The following RNU4ATAC variants were observed in gnomAD, a reference collection of about 807,000 sequenced individuals.
The protein encoded by RNU4ATAC is RNA, U4atac small nuclear, also known as RNA, U4atac small nuclear (U12-dependent splicing).
Position 121,530,901 on chromosome 2 carries a change from G to GA in RNU4ATAC, n.21_22insA, listed in dbSNP as rs1559533441. The GA allele has an allele frequency of 4.3e-6, 3 of 695,830 alleles. No homozygotes were observed. In the Admixed American group the frequency reaches 6.0e-5, roughly 14 times the overall value. 43.1% of individuals were successfully genotyped at this position (695,830 alleles called of 1,614,324 possible). A position where few individuals can be genotyped will look rare whatever the true frequency, so the allele number is the denominator to read the frequency against. On this transcript the variant is annotated non_coding_transcript_exon_variant, in exon 1 of 1. Transcript: ENST00000580972. ...TTATAACCATCCTTTTCTTGGGGTT[G>GA]CGCTACTGTCCAATGAGCGCATAGT...
At position 121,530,963 on chromosome 2, in the gene RNU4ATAC, C is replaced by T. The variant is rs916717603; in HGVS notation, n.83C>T. On this transcript the variant is annotated non_coding_transcript_exon_variant, in exon 1 of 1. Transcript: ENST00000580972. Reference sequence around the variant, plus strand: ...TGCTAACGCCTGAACAACACACCCGCATCAACTAGAGCTTTTGCTTTATTT... The same window carrying T: ...TGCTAACGCCTGAACAACACACCCGTATCAACTAGAGCTTTTGCTTTATTT... The T allele has an allele frequency of 1.2e-4, 84 of 700,310 alleles. No individual in the cohort carries two copies. The highest frequency in any genetic ancestry group is 1.8e-4 in the Non-Finnish European group (69 of 384,830). 43.4% of individuals were successfully genotyped at this position (700,310 alleles called of 1,614,324 possible). A position where few individuals can be genotyped will look rare whatever the true frequency, so the allele number is the denominator to read the frequency against.
rs546680447 is a variant in RNU4ATAC at position 121,530,969 on chromosome 2, C to G, written n.89C>G. 18 of 700,280 alleles carry G rather than the reference C, an allele frequency of 2.6e-5. No homozygotes were observed. Among genetic ancestry groups the G allele is most frequent in the Middle Eastern group, 3.6e-4 (1 of 2,756 alleles). The allele number at this position is 700,280 out of a possible 1,614,324, so 43.4% of individuals were successfully genotyped here. On this transcript the variant is annotated non_coding_transcript_exon_variant, in exon 1 of 1. Transcript: ENST00000580972. ...CGCCTGAACAACACACCCGCATCAA[C>G]TAGAGCTTTTGCTTTATTTTGGTGC... is the stretch of plus-strand genomic sequence containing the variant.
At position 121,530,908 on chromosome 2, in the gene RNU4ATAC, T is replaced by G. The variant is rs779143800; in HGVS notation, n.28T>G. The G allele has an allele frequency of 4.3e-6, 3 of 697,750 alleles. No homozygotes were observed. Among genetic ancestry groups the G allele is most frequent in the Admixed American group, 2.0e-5 (1 of 49,928 alleles). The allele number at this position is 697,750 out of a possible 1,614,324, so 43.2% of individuals were successfully genotyped here. ...CATCCTTTTCTTGGGGTTGCGCTAC[T>G]GTCCAATGAGCGCATAGTGAGGGCA... On this transcript the variant is annotated non_coding_transcript_exon_variant, in exon 1 of 1. Coordinates refer to ENST00000580972, the Ensembl canonical transcript of RNU4ATAC.
exon 1 of RNU4ATAC, chr2:121,530,964 A>ATCAACTAG (rs1427543665): frequency 1.4e-6 from 1 of 700,348 alleles, no homozygotes; most frequent in Non-Finnish European, 2.6e-6. Flanking sequence ...ACACACCCGC[A>ATCAACTAG]TCAACTAGAG....
rs750325275 is a variant in RNU4ATAC, at chr2:121,530,895, G to C, written n.15G>C. The C allele has an allele frequency of 1.4e-6, 1 of 693,922 alleles. No homozygotes were observed. The highest frequency in any genetic ancestry group is 2.0e-5 in the Admixed American group (1 of 49,704). 43.0% of individuals were successfully genotyped at this position (693,922 alleles called of 1,614,324 possible). ...TTTCTATTATAACCATCCTTTTCTT[G>C]GGGTTGCGCTACTGTCCAATGAGCG... On this transcript the variant is annotated non_coding_transcript_exon_variant, in exon 1 of 1. Coordinates refer to ENST00000580972, the Ensembl canonical transcript of RNU4ATAC.
Position 121,530,895 on chromosome 2 carries a change from G to A in RNU4ATAC, n.15G>A, listed in dbSNP as rs750325275. On this transcript the variant is annotated non_coding_transcript_exon_variant, in exon 1 of 1. Transcript: ENST00000580972. ...TTTCTATTATAACCATCCTTTTCTTGGGGTTGCGCTACTGTCCAATGAGCG... is the reference window on the plus strand; with the variant it reads ...TTTCTATTATAACCATCCTTTTCTTAGGGTTGCGCTACTGTCCAATGAGCG... The A allele has an allele frequency of 1.0e-4, 71 of 693,922 alleles. No individual in the cohort carries two copies. The highest frequency in any genetic ancestry group is 1.2e-4 in the Admixed American group (6 of 49,704). 43.0% of individuals were successfully genotyped at this position (693,922 alleles called of 1,614,324 possible).
Position 121,530,944 on chromosome 2 carries a change from C to T in RNU4ATAC, n.64C>T, listed in dbSNP as rs572917990. 3.8e-4 allele frequency: 265 copies of T among 700,398 alleles called. 2 individuals carry two copies. Among genetic ancestry groups the T allele is most frequent in the Admixed American group, 1.0e-3 (50 of 50,020 alleles). 43.4% of individuals were successfully genotyped at this position (700,398 alleles called of 1,614,324 possible). A position where few individuals can be genotyped will look rare whatever the true frequency, so the allele number is the denominator to read the frequency against. ...CGCATAGTGAGGGCAGTACTGCTAA[C>T]GCCTGAACAACACACCCGCATCAAC... is the stretch of plus-strand genomic sequence containing the variant. On this transcript the variant is annotated non_coding_transcript_exon_variant, in exon 1 of 1. Coordinates refer to ENST00000580972, the Ensembl canonical transcript of RNU4ATAC.
At position 121,530,964 on chromosome 2, in the gene RNU4ATAC, A is replaced by G. The variant is rs750878745; in HGVS notation, n.84A>G. 4.3e-5 allele frequency: 30 copies of G among 700,346 alleles called. No homozygotes were observed. The highest frequency in any genetic ancestry group is 2.6e-4 in the Admixed American group (13 of 49,996). The allele number at this position is 700,346 out of a possible 1,614,324, so 43.4% of individuals were successfully genotyped here. A position where few individuals can be genotyped will look rare whatever the true frequency, so the allele number is the denominator to read the frequency against. On this transcript the variant is annotated non_coding_transcript_exon_variant, in exon 1 of 1. Coordinates refer to ENST00000580972, the Ensembl canonical transcript of RNU4ATAC. The stretch of plus-strand genomic sequence containing the variant: ...GCTAACGCCTGAACAACACACCCGC[A>G]TCAACTAGAGCTTTTGCTTTATTTT...
At chr2:121,531,005 AAAATGAAAACCTGTTTTCATAG>A (rs2094811794) in exon 1 of RNU4ATAC, 1 of 700,228 alleles carries the variant, frequency 1.4e-6, no homozygotes, top group African/African-American at 1.7e-5. Flanking sequence ...AATTTTTGGA[AAAATGAAAACCTGTTTTCATAG>A]ACTTATCAGT....
At chr2:121,530,970 T>C (rs1044488450) in exon 1 of RNU4ATAC, 10 of 699,590 alleles carry the variant, frequency 1.4e-5, no homozygotes, top group Admixed American at 4.0e-5. Context: ...CCGCATCAAC[T>C]AGAGCTTTTG....
rs757475581 is a variant in RNU4ATAC at position 121,530,933 on chromosome 2, A to C, written n.53A>C. Reference sequence around the variant, plus strand: ...TGTCCAATGAGCGCATAGTGAGGGCAGTACTGCTAACGCCTGAACAACACA... The same window carrying C: ...TGTCCAATGAGCGCATAGTGAGGGCCGTACTGCTAACGCCTGAACAACACA... On this transcript the variant is annotated non_coding_transcript_exon_variant, in exon 1 of 1. Transcript: ENST00000580972. 7.1e-6 allele frequency: 5 copies of C among 700,310 alleles called. No individual in the cohort carries two copies. Among genetic ancestry groups the C allele is most frequent in the African/African-American group, 1.7e-5 (1 of 57,190 alleles). The allele number at this position is 700,310 out of a possible 1,614,324, so 43.4% of individuals were successfully genotyped here. A position where few individuals can be genotyped will look rare whatever the true frequency, so the allele number is the denominator to read the frequency against.
At position 121,530,891 on chromosome 2, in the gene RNU4ATAC, T is replaced by A. The variant is rs763786601; in HGVS notation, n.11T>A. 4.5e-5 allele frequency: 31 copies of A among 693,630 alleles called. No homozygotes were observed. The highest frequency in any genetic ancestry group is 3.0e-4 in the South Asian group (20 of 67,280). The allele number at this position is 693,630 out of a possible 1,614,324, so 43.0% of individuals were successfully genotyped here. ...GGACTTTCTATTATAACCATCCTTT[T>A]CTTGGGGTTGCGCTACTGTCCAATG... On this transcript the variant is annotated non_coding_transcript_exon_variant, in exon 1 of 1. Transcript: ENST00000580972.
At chr2:121,530,923 T>G (rs377422272) in exon 1 of RNU4ATAC, 9 of 699,774 alleles carry the variant, frequency 1.3e-5, no homozygotes, top group East Asian at 5.4e-5. Flanking sequence ...AATGAGCGCA[T>G]AGTGAGGGCA....
At chr2:121,531,008 A>ATGAAAACCTGTTTTCATAGACTTATC, downstream of RNU4ATAC, 1 of 700,230 alleles carries the variant, frequency 1.4e-6, no homozygotes, top group South Asian at 1.5e-5. Context: ...TTTTGGAAAA[A>ATGAAAACCTGTTTTCATAGACTTATC]TGAAAACCTG....
At chr2:121,530,955 C>A (rs983845260) in exon 1 of RNU4ATAC, 1 of 700,426 alleles carries the variant, frequency 1.4e-6, no homozygotes, top group South Asian at 1.5e-5. Flanking sequence ...GCCTGAACAA[C>A]ACACCCGCAT....
At position 121,530,972 on chromosome 2, in the gene RNU4ATAC, G is replaced by C. The variant is rs367638364; in HGVS notation, n.92G>C. 2.5e-4 allele frequency: 178 copies of C among 700,368 alleles called. No individual in the cohort carries two copies. The highest frequency in any genetic ancestry group is 4.7e-4 in the South Asian group (32 of 67,504). 43.4% of individuals were successfully genotyped at this position (700,368 alleles called of 1,614,324 possible). A position where few individuals can be genotyped will look rare whatever the true frequency, so the allele number is the denominator to read the frequency against. ...CTGAACAACACACCCGCATCAACTA[G>C]AGCTTTTGCTTTATTTTGGTGCAAT... On this transcript the variant is annotated non_coding_transcript_exon_variant, in exon 1 of 1. Transcript: ENST00000580972.
Position 121,530,942 on chromosome 2 carries a change from A to G in RNU4ATAC, n.62A>G, listed in dbSNP as rs978736477. On this transcript the variant is annotated non_coding_transcript_exon_variant, in exon 1 of 1. Coordinates refer to ENST00000580972, the Ensembl canonical transcript of RNU4ATAC. ...AGCGCATAGTGAGGGCAGTACTGCT[A>G]ACGCCTGAACAACACACCCGCATCA... The G allele has an allele frequency of 2.6e-5, 18 of 700,302 alleles. No individual in the cohort carries two copies. The highest frequency in any genetic ancestry group is 8.0e-5 in the Admixed American group (4 of 49,998). 43.4% of individuals were successfully genotyped at this position (700,302 alleles called of 1,614,324 possible). A position where few individuals can be genotyped will look rare whatever the true frequency, so the allele number is the denominator to read the frequency against.
At position 121,530,949 on chromosome 2, in the gene RNU4ATAC, G is replaced by T. The variant is rs769219094; in HGVS notation, n.69G>T. On this transcript the variant is annotated non_coding_transcript_exon_variant, in exon 1 of 1. Coordinates refer to ENST00000580972, the Ensembl canonical transcript of RNU4ATAC. ...AGTGAGGGCAGTACTGCTAACGCCT[G>T]AACAACACACCCGCATCAACTAGAG... 76 of 700,268 alleles carry T rather than the reference G, an allele frequency of 1.1e-4. No homozygotes were observed. Among genetic ancestry groups the T allele is most frequent in the Non-Finnish European group, 1.7e-4 (67 of 384,824 alleles). The allele number at this position is 700,268 out of a possible 1,614,324, so 43.4% of individuals were successfully genotyped here.
exon 1 of RNU4ATAC, chr2:121,530,950 A>T (rs183655165): frequency 5.7e-6 from 4 of 700,388 alleles, no homozygotes; most frequent in South Asian, 1.5e-5. Context: ...CTAACGCCTG[A>T]ACAACACACC....
Sources: allele counts gnomAD v4.1 joint callset, GRCh38; gene constraint gnomAD v4.1.1; transcripts MANE v1.5; gene names NCBI Gene and HGNC (gene_info 2026-07-23, HGNC 2026-07-21).